The following TBC1D22A variants were observed in gnomAD, a reference collection of about 807,000 sequenced individuals.
The protein encoded by TBC1D22A is putative GTPase activator.
Under a neutral mutation model 60.2 loss-of-function variants are expected in TBC1D22A, and 38 were observed. That is an observed-to-expected ratio of 0.63 (90% CI 0.49 to 0.83). The LOEUF is 0.83. Ranked by LOEUF, TBC1D22A falls within the 40% of genes least tolerant of loss-of-function variation. TBC1D22A has a pLI of 0.00. For missense variants in TBC1D22A, 628 were observed against 701.0 expected (o/e 0.90, Z 1.18); for synonymous variants, 302 against 281.7 (o/e 1.07, Z -0.72).
In TBC1D22A at chr22:46,792,517, C is replaced by G; in HGVS notation, c.63-3C>G. ...CACTGGTTTTCCTTTTCTTTTCCAT[C>G]AGCATCCAGCACGTGTATGGTGCCC... On this transcript the variant is annotated splice_region_variant and splice_polypyrimidine_tract_variant and intron_variant, in intron 1 of 12. Transcript: ENST00000337137. The G allele has an allele frequency of 6.2e-7, 1 of 1,614,234 alleles. No individual in the cohort carries two copies. Among genetic ancestry groups the G allele is most frequent in the East Asian group, 2.2e-5 (1 of 44,882 alleles).
At chr22:46,799,078 A>G (rs1418770839) in intron 4 of TBC1D22A, among the ~76,000 whole-genome samples, 1 of 152,024 alleles carries the variant, frequency 6.6e-6, no homozygotes, top group African/African-American at 2.4e-5. Flanking sequence ...GTGTTATAAC[A>G]TGACACAGCA....
intron 10 of TBC1D22A, among the ~76,000 whole-genome samples, chr22:47,031,282 C>T (rs1338322374): frequency 6.6e-6 from 1 of 152,198 alleles, no homozygotes; most frequent in African/African-American, 2.4e-5. Context: ...GCTTGGAGCC[C>T]GAAGGCTGGA....
intron 11 of TBC1D22A, among the ~76,000 whole-genome samples, chr22:47,051,350 GA>G (rs2063209584): frequency 6.6e-6 from 1 of 152,218 alleles, no homozygotes; most frequent in Non-Finnish European, 1.5e-5. Context: ...ATATTTGTAA[GA>G]TTTTTTTATA....
chr22:46,827,348 A>G (rs1180995992), intron 4 of TBC1D22A, among the ~76,000 whole-genome samples: 3 of 152,176 alleles, frequency 2.0e-5, no homozygotes, highest in Non-Finnish European at 2.9e-5. Flanking sequence ...CCTCGGGAGA[A>G]AACTGTGTTC....
chr22:47,145,014 TG>T (rs2067238238), intron 12 of TBC1D22A, among the ~76,000 whole-genome samples: 1 of 152,216 alleles, frequency 6.6e-6, no homozygotes, highest in African/African-American at 2.4e-5. Flanking sequence ...GGAACTACCT[TG>T]GTAATGGTGG....
chr22:47,039,933 G>A (rs1431275024), intron 11 of TBC1D22A, among the ~76,000 whole-genome samples: 1 of 95,882 alleles, frequency 1.0e-5, no homozygotes, highest in East Asian at 2.9e-4. Context: ...AGGTGCCACA[G>A]CCTTTTTTTT....
intron 12 of TBC1D22A, among the ~76,000 whole-genome samples, chr22:47,157,843 C>T (rs371640412): frequency 1.3e-5 from 2 of 152,226 alleles, no homozygotes; most frequent in African/African-American, 4.8e-5. Flanking sequence ...ATACAAGTCA[C>T]CCACCCCCCA....
At chr22:47,036,778 G>A (rs903926267) in intron 10 of TBC1D22A, among the ~76,000 whole-genome samples, 2 of 152,172 alleles carry the variant, frequency 1.3e-5, no homozygotes, top group Admixed American at 6.5e-5. Context: ...TGTGGGTGTC[G>A]ACTCAAGCCC....
intron 10 of TBC1D22A, among the ~76,000 whole-genome samples, chr22:47,002,926 A>G (rs1378788326): frequency 6.6e-6 from 1 of 152,148 alleles, no homozygotes; most frequent in Non-Finnish European, 1.5e-5. Flanking sequence ...CAGCAACAGC[A>G]TCGAAGCTGT....
intron 11 of TBC1D22A, among the ~76,000 whole-genome samples, chr22:47,087,571 A>C (rs2064748219): frequency 6.6e-6 from 1 of 152,226 alleles, no homozygotes; most frequent in African/African-American, 2.4e-5. Flanking sequence ...CTCAAACTTC[A>C]GATTGTTGGT....
intron 12 of TBC1D22A, among the ~76,000 whole-genome samples, chr22:47,170,556 G>T (rs2068392893): frequency 1.3e-5 from 2 of 152,224 alleles, no homozygotes; most frequent in South Asian, 4.1e-4. Flanking sequence ...TGGAATTGAG[G>T]AAGTGGGGGT....
At chr22:47,026,295 A>T (rs983896399) in intron 10 of TBC1D22A, among the ~76,000 whole-genome samples, 4 of 152,240 alleles carry the variant, frequency 2.6e-5, no homozygotes, top group Non-Finnish European at 5.9e-5. Flanking sequence ...GAGGGTGTCA[A>T]TGGAAAGCTT....
chr22:46,858,637 G>C (rs908791728), intron 4 of TBC1D22A, among the ~76,000 whole-genome samples: 1 of 152,256 alleles, frequency 6.6e-6, no homozygotes, highest in African/African-American at 2.4e-5. Context: ...CATCTCTCCT[G>C]CAGAAGAGCA....
intron 12 of TBC1D22A, among the ~76,000 whole-genome samples, chr22:47,153,724 T>C (rs2067597646): frequency 1.3e-5 from 2 of 151,736 alleles, no homozygotes; most frequent in Non-Finnish European, 2.9e-5. Flanking sequence ...TTGCAATGGC[T>C]GGGGGAGGGG....
intron 4 of TBC1D22A, among the ~76,000 whole-genome samples, chr22:46,846,183 C>T (rs1477235489): frequency 6.6e-6 from 1 of 152,230 alleles, no homozygotes; most frequent in Non-Finnish European, 1.5e-5. Flanking sequence ...TGTTACTCAT[C>T]TATCTCAACA....
chr22:47,037,036 C>T (rs1004019066), intron 10 of TBC1D22A, 35 bp from the exon 11 acceptor site: 9 of 1,611,562 alleles, frequency 5.6e-6, no homozygotes, highest in Non-Finnish European at 5.9e-6. Context: ...TAGGGCTCCC[C>T]TGACAGCCTT....
chr22:47,038,531 C>T (rs1208319720), intron 11 of TBC1D22A, among the ~76,000 whole-genome samples: 1 of 152,212 alleles, frequency 6.6e-6, no homozygotes, highest in African/African-American at 2.4e-5. Flanking sequence ...GTGCGTTCTT[C>T]CCACAGGACA....
At chr22:46,843,134 TGTG>T (rs925270938) in intron 4 of TBC1D22A, among the ~76,000 whole-genome samples, 19 of 152,208 alleles carry the variant, frequency 1.2e-4, no homozygotes, top group African/African-American at 4.6e-4. Flanking sequence ...CCCACTGTAA[TGTG>T]GTGGTTCAAG....
chr22:46,988,199 T>C (rs999016382), intron 9 of TBC1D22A, among the ~76,000 whole-genome samples: 13 of 152,262 alleles, frequency 8.5e-5, no homozygotes, highest in Non-Finnish European at 1.2e-4. Flanking sequence ...CTAATTCTGT[T>C]GTCTATTTCC....
Sources: allele counts gnomAD v4.1 joint callset (sites outside exome capture counted in the v4.1 genomes callset), GRCh38; gene constraint gnomAD v4.1.1; transcripts MANE v1.5; gene names NCBI Gene and HGNC (gene_info 2026-07-23, HGNC 2026-07-21).